Variants in TRMT1 observed in about 807,000 individuals in gnomAD.
The protein encoded by TRMT1 is tRNA methyltransferase 1.
Under a neutral mutation model 75.4 loss-of-function variants are expected in TRMT1, and 63 were observed. The observed-to-expected ratio is 0.84, with a 90% CI of 0.68 to 1.03. TRMT1 has a LOEUF of 1.03. TRMT1 is among the 50% of genes least tolerant of loss of function. TRMT1 has a pLI of 0.00. For synonymous variants in TRMT1, 382 were observed against 358.1 expected (o/e 1.07, Z -0.75); for missense variants, 870 against 905.3 (o/e 0.96, Z 0.50).
intron 3 of TRMT1, 77 bp from the exon 4 acceptor site, chr19:13,115,845 C>T: frequency 6.2e-7 from 1 of 1,606,440 alleles, no homozygotes; most frequent in Non-Finnish European, 8.5e-7. Flanking sequence ...TCCAAAATAT[C>T]GTCCCTGAAA....
At chr19:13,107,880 T>C in intron 12 of TRMT1, 21 bp from the exon 13 acceptor site, 1 of 1,549,244 alleles carries the variant, frequency 6.5e-7, no homozygotes, top group Non-Finnish European at 8.7e-7. Flanking sequence ...GCAGGGATTA[T>C]GAGGGAGATG....
chr19:13,115,972 A>G (rs757979024), intron 3 of TRMT1, 25 bp downstream of exon 3: 9 of 1,613,684 alleles, frequency 5.6e-6, no homozygotes, highest in Middle Eastern at 3.3e-4. Context: ...ACCCCCGCCC[A>G]CCAGAAGCCT....
intron 5 of TRMT1, among the ~76,000 whole-genome samples, chr19:13,113,988 C>T (rs1200591749): frequency 5.3e-5 from 8 of 152,176 alleles, no homozygotes; most frequent in African/African-American, 1.9e-4. Flanking sequence ...AAGCGATCCT[C>T]CTGCCTTGGC....
rs773939929 is a variant in TRMT1, at chr19:13,116,205, G to T, written c.195C>A (p.Ala65=). 1.2e-6 allele frequency: 2 copies of T among 1,614,206 alleles called. No homozygotes were observed. The highest frequency in any genetic ancestry group is 2.2e-5 in the South Asian group (2 of 91,090). The part of the protein sequence containing the change: ...TTVTEGAAKI[A]FPSANEVFYN... ...AAAAGACCTCGTTGGCACTGGGAAA[G>T]GCGATTTTGGCAGCCCCCTCGGTGA... The change falls in exon 2 of 17, where the codon GCC becomes GCA. Residue 65 remains alanine (A), a synonymous_variant. Transcript: ENST00000357720.
intron 14 of TRMT1, 57 bp downstream of exon 14, chr19:13,107,517 C>A: frequency 6.5e-7 from 1 of 1,541,272 alleles, no homozygotes; most frequent in African/African-American, 1.4e-5. Flanking sequence ...TCTGCACACA[C>A]ATGTGCTTCC....
At chr19:13,110,950 C>T (rs183588732) in intron 7 of TRMT1, among the ~76,000 whole-genome samples, 1 of 151,718 alleles carries the variant, frequency 6.6e-6, no homozygotes, top group East Asian at 1.9e-4. Context: ...AACTCCATCT[C>T]AAAAAAGAAA....
Position 13,110,017 on chromosome 19 carries a change from G to A in TRMT1, c.1020-16C>T, listed in dbSNP as rs780238240. On this transcript the variant is annotated splice_polypyrimidine_tract_variant and intron_variant, in intron 8 of 16. Coordinates refer to ENST00000357720, the MANE Select transcript of TRMT1 (RefSeq NM_001136035.4). The stretch of plus-strand genomic sequence containing the variant: ...CGCCTGCTTGCTGTGGGGGGTACCA[G>A]TGGCCACGAGTTCCCAGCGTGACCA... 1.2e-6 allele frequency: 2 copies of A among 1,612,622 alleles called. No individual in the cohort carries two copies. The highest frequency in any genetic ancestry group is 1.7e-6 in the Non-Finnish European group (2 of 1,179,912).
chr19:13,112,139 G>A (rs1216089200), intron 7 of TRMT1, among the ~76,000 whole-genome samples: 4 of 151,984 alleles, frequency 2.6e-5, no homozygotes, highest in African/African-American at 9.7e-5. Context: ...ACAGGTATCT[G>A]CCACCATGCC....
chr19:13,105,583 C>T lies in TRMT1; in HGVS notation c.1607G>A (p.Arg536Gln), dbSNP rs1234202486. ...EPRLQANFTI[R>Q]EDANPSSRQR... is the part of the protein sequence containing the mutation. ...TCGGGAGCTGGGGTTGGCATCTTCC[C>T]GGATGGTGAAGTTGGCCTGCAGCCT... The change falls in exon 15 of 17, where the codon CGG (arginine) becomes CAG (glutamine). Residue 536 changes from arginine (R) to glutamine (Q), a missense_variant. Transcript: ENST00000357720. 1.9e-6 allele frequency: 3 copies of T among 1,613,528 alleles called. No homozygotes were observed. Among genetic ancestry groups the T allele is most frequent in the Admixed American group, 1.7e-5 (1 of 59,974 alleles).
intron 7 of TRMT1, among the ~76,000 whole-genome samples, chr19:13,112,347 G>A (rs1374530724): frequency 2.0e-5 from 3 of 152,144 alleles, no homozygotes; most frequent in East Asian, 1.9e-4. Flanking sequence ...CCAGAAAGGT[G>A]AAGTCACTTG....
At chr19:13,105,455 CT>C in intron 15 of TRMT1, 31 bp downstream of exon 15, 2 of 1,613,948 alleles carry the variant, frequency 1.2e-6, no homozygotes, top group South Asian at 2.2e-5. Context: ...CTTTCCCTGG[CT>C]GAGCCCCACC....
At position 13,104,928 on chromosome 19, in the gene TRMT1, T is replaced by C. The variant is rs755577994; in HGVS notation, c.*7A>G. Reference sequence around the variant, plus strand: ...GGGAGAAGGTGACGTGACATCTCTTTATTGGTTCAGTCTATGCCTGGCCCA... The same window carrying C: ...GGGAGAAGGTGACGTGACATCTCTTCATTGGTTCAGTCTATGCCTGGCCCA... On this transcript the variant is annotated 3_prime_UTR_variant, in exon 17 of 17. Transcript: ENST00000357720. The C allele has an allele frequency of 8.7e-6, 14 of 1,613,766 alleles. No individual in the cohort carries two copies. Among genetic ancestry groups the C allele is most frequent in the Non-Finnish European group, 1.2e-5 (14 of 1,179,904 alleles).
At chr19:13,107,930 G>A in intron 12 of TRMT1, 71 bp from the exon 13 acceptor site, 5 of 1,237,526 alleles carry the variant, frequency 4.0e-6, no homozygotes, top group Non-Finnish European at 5.8e-6. Flanking sequence ...GACCAGCGTA[G>A]GTAAGACTAC....
chr19:13,109,742 C>G, intron 10 of TRMT1, 27 bp downstream of exon 10: 2 of 1,614,062 alleles, frequency 1.2e-6, no homozygotes, highest in South Asian at 2.2e-5. Flanking sequence ...CCCTCTTGCT[C>G]CTTTGCCTCC....
At position 13,109,386 on chromosome 19, in the gene TRMT1, C is replaced by A. The variant is rs1380594588; in HGVS notation, c.1392G>T (p.Gln464His). Residue 464 changes from glutamine to histidine, a missense_variant, in exon 12 of 17, where the codon CAG (glutamine) becomes CAT (histidine). Gln to His is a conservative substitution (Grantham distance 24, BLOSUM62 0). Transcript: ENST00000357720. ...CCGACCCCAGGGGCTCTTACCGCAACTGCAGGAGGCTTGGTGTGTTGCAGT... is the reference window on the plus strand; with the variant it reads ...CCGACCCCAGGGGCTCTTACCGCAAATGCAGGAGGCTTGGTGTGTTGCAGT... ...TIHCNTPSLL[Q>H]LRSALLHADF... 1 of 1,612,690 alleles carries A rather than the reference C, an allele frequency of 6.2e-7. No homozygotes were observed.
intron 12 of TRMT1, among the ~76,000 whole-genome samples, chr19:13,108,863 G>A (rs2018999969): frequency 6.6e-6 from 1 of 150,976 alleles, no homozygotes; most frequent in Non-Finnish European, 1.5e-5. Flanking sequence ...GCCCACCTCA[G>A]CCTCCCAAAG....
intron 5 of TRMT1, among the ~76,000 whole-genome samples, chr19:13,113,336 G>C (rs866937956): frequency 6.6e-6 from 1 of 151,888 alleles, no homozygotes; most frequent in South Asian, 2.1e-4. Flanking sequence ...GCTAATTTTT[G>C]TATTTTTAGT....
intron 14 of TRMT1, among the ~76,000 whole-genome samples, 195 bp from the exon 15 acceptor site, chr19:13,105,801 C>T (rs2018842297): frequency 6.6e-6 from 1 of 152,150 alleles, no homozygotes. Context: ...TGGCTCATGC[C>T]TGTAAATCCC....
intron 14 of TRMT1, among the ~76,000 whole-genome samples, chr19:13,107,355 G>C (rs1411305552): frequency 6.7e-6 from 1 of 150,328 alleles, no homozygotes; most frequent in Non-Finnish European, 1.5e-5. Context: ...GGCCAGGCTG[G>C]TCTTGAACTC....
Sources: gnomAD v4.1 joint callset for allele counts (sites outside exome capture counted in the v4.1 genomes callset) on GRCh38, gnomAD v4.1.1 for gene constraint, MANE v1.5 for transcripts, NCBI Gene and HGNC (gene_info 2026-07-23, HGNC 2026-07-21) for gene names.